Variants in TRNP1 observed in about 807,000 individuals in gnomAD.
TRNP1 encodes TMF1 regulated nuclear protein 1.
In TRNP1, 16 loss-of-function variants were observed where a neutral mutation model predicts 12.2. The ratio of observed to expected loss-of-function variants is 1.31; its 90% CI spans 0.89 to 1.99. The LOEUF (loss-of-function observed/expected upper bound fraction) is 1.99. Among genes scored for constraint, TRNP1 ranks in the 30% most tolerant of loss-of-function variants. The probability of loss-of-function intolerance (pLI) is 0.00; values close to 1 mark genes in which losing one functional copy is unlikely to be tolerated. For missense variants in TRNP1, 338 were observed against 330.4 expected (o/e 1.02, Z -0.18); for synonymous variants, 139 against 166.2 (o/e 0.84, Z 1.26).
rs571374604 is a variant in TRNP1 at position 26,994,197 on chromosome 1, C to G, written c.411C>G (p.Ala137=). 3 of 1,291,866 alleles carry G rather than the reference C, an allele frequency of 2.3e-6. No homozygotes were observed. The highest frequency in any genetic ancestry group is 2.1e-5 in the South Asian group (1 of 48,106). 80.0% of individuals were successfully genotyped at this position (1,291,866 alleles called of 1,614,324 possible). Residue 137 remains alanine, a synonymous_variant, in exon 1 of 2, where the codon GCC becomes GCG. Transcript: ENST00000522111. The surrounding 1 kb of genome is among the most constrained non-coding windows in gnomAD (Gnocchi z 6.9). ...VLQLHRVFLA[A]ELRLAHRAES... ...AGCTGCACCGCGTTTTCTTGGCGGC[C>G]GAGCTGCGCCTGGCGCACCGCGCGG...
chr1:26,998,242 G>A (rs576271644), intron 1 of TRNP1, among the ~76,000 whole-genome samples: 24 of 152,244 alleles, frequency 1.6e-4, no homozygotes, highest in African/African-American at 5.8e-4. Flanking sequence ...GGGGAGCAAA[G>A]GAAGCTCCTT....
Position 27,000,448 on chromosome 1 carries a change from C to T in TRNP1, c.*744C>T, listed in dbSNP as rs1419387896. On this transcript the variant is annotated 3_prime_UTR_variant, in exon 2 of 2. Coordinates refer to ENST00000522111, the MANE Select transcript of TRNP1 (RefSeq NM_001013642.3). ...GTTGGGGTGGGGGACACACCTTTTT[C>T]TCAGGAAGAGGTGATGGCAATGTAA... The T allele has an allele frequency of 2.6e-5, 4 of 152,486 alleles. No homozygotes were observed. Among genetic ancestry groups the T allele is most frequent in the African/African-American group, 9.7e-5 (4 of 41,402 alleles). 9.4% of individuals were successfully genotyped at this position (152,486 alleles called of 1,614,324 possible). A position where few individuals can be genotyped will look rare whatever the true frequency, so the allele number is the denominator to read the frequency against.
In TRNP1 at chr1:26,994,146, G is replaced by A; in HGVS notation, c.360G>A (p.Val120=). ...AGGTGGAGGGCCGCCGGCGCCTGGTGTCGGAGCTGGAGAGCCGCGTGCTGC... is the reference window on the plus strand; with the variant it reads ...AGGTGGAGGGCCGCCGGCGCCTGGTATCGGAGCTGGAGAGCCGCGTGCTGC... ...LLEVEGRRRL[V]SELESRVLQL... The change falls in exon 1 of 2, where the codon GTG becomes GTA. Residue 120 remains valine, a synonymous_variant. Coordinates refer to ENST00000522111, the MANE Select transcript of TRNP1 (RefSeq NM_001013642.3). This position sits in a 1 kb window ranked among gnomAD's most constrained non-coding sequence, Gnocchi z 6.9. 4 of 1,259,844 alleles carry A rather than the reference G, an allele frequency of 3.2e-6. No homozygotes were observed. The highest frequency in any genetic ancestry group is 4.0e-6 in the Non-Finnish European group (4 of 999,346). The allele number at this position is 1,259,844 out of a possible 1,614,324, so 78.0% of individuals were successfully genotyped here.
Position 26,993,773 on chromosome 1 carries a change from G to A in TRNP1, c.-14G>A, listed in dbSNP as rs1174180042. The stretch of plus-strand genomic sequence containing the variant: ...GCGCACCTACAGCCGCAGACCGCCG[G>A]TGGGGGGCGGGGGATGCCGGGCTGC... On this transcript the variant is annotated 5_prime_UTR_variant, in exon 1 of 2. In the 5' UTR this introduces an upstream ATG that the reference lacks. Coordinates refer to ENST00000522111, the MANE Select transcript of TRNP1 (RefSeq NM_001013642.3). The A allele has an allele frequency of 7.6e-7, 1 of 1,309,946 alleles. No homozygotes were observed. The highest frequency in any genetic ancestry group is 9.7e-7 in the Non-Finnish European group (1 of 1,030,908). The allele number at this position is 1,309,946 out of a possible 1,614,324, so 81.1% of individuals were successfully genotyped here. A position where few individuals can be genotyped will look rare whatever the true frequency, so the allele number is the denominator to read the frequency against.
Position 26,993,710 on chromosome 1 carries a change from G to T in TRNP1, c.-77G>T, listed in dbSNP as rs1461208022. 2 of 1,236,838 alleles carry T rather than the reference G, an allele frequency of 1.6e-6. No individual in the cohort carries two copies. Among genetic ancestry groups the T allele is most frequent in the African/African-American group, 1.6e-5 (1 of 63,048 alleles). 76.6% of individuals were successfully genotyped at this position (1,236,838 alleles called of 1,614,324 possible). ...CGCCTCTGGGGTGGGGGCTGTGGCC[G>T]TGTCTAGCTGTTCGGGTGTGCTGTG... On this transcript the variant is annotated 5_prime_UTR_variant, in exon 1 of 2. Coordinates refer to ENST00000522111, the MANE Select transcript of TRNP1 (RefSeq NM_001013642.3).
Position 26,993,698 on chromosome 1 carries a change from G to A in TRNP1, c.-89G>A, listed in dbSNP as rs888926906. On this transcript the variant is annotated 5_prime_UTR_variant, in exon 1 of 2. Coordinates refer to ENST00000522111, the MANE Select transcript of TRNP1 (RefSeq NM_001013642.3). Reference sequence around the variant, plus strand: ...GGACGGCGGGCGCGCCTCTGGGGTGGGGGCTGTGGCCGTGTCTAGCTGTTC... The same window carrying A: ...GGACGGCGGGCGCGCCTCTGGGGTGAGGGCTGTGGCCGTGTCTAGCTGTTC... 4.0e-6 allele frequency: 5 copies of A among 1,235,306 alleles called. No homozygotes were observed. Among genetic ancestry groups the A allele is most frequent in the East Asian group, 3.2e-5 (1 of 31,486 alleles). The allele number at this position is 1,235,306 out of a possible 1,614,324, so 76.5% of individuals were successfully genotyped here. A position where few individuals can be genotyped will look rare whatever the true frequency, so the allele number is the denominator to read the frequency against.
rs1344694976 is a variant in TRNP1 at position 27,000,661 on chromosome 1, T to A, written c.*957T>A. On this transcript the variant is annotated 3_prime_UTR_variant, in exon 2 of 2. Coordinates refer to ENST00000522111, the MANE Select transcript of TRNP1 (RefSeq NM_001013642.3). ...ATTTCCATAATGTAAGGCAAATGCA[T>A]GGGGTTCTGAGGTTCACTTTGCAAG... The A allele has an allele frequency of 6.6e-6, 1 of 152,540 alleles. No homozygotes were observed. The highest frequency in any genetic ancestry group is 2.4e-5 in the African/African-American group (1 of 41,442). The allele number at this position is 152,540 out of a possible 1,614,324, so 9.4% of individuals were successfully genotyped here. A position where few individuals can be genotyped will look rare whatever the true frequency, so the allele number is the denominator to read the frequency against.
chr1:26,995,822 G>T (rs1019952141), intron 1 of TRNP1, among the ~76,000 whole-genome samples: 3 of 152,178 alleles, frequency 2.0e-5, no homozygotes, highest in African/African-American at 4.8e-5. Flanking sequence ...TAGAGACCGG[G>T]TTTCTCCATG....
At chr1:26,998,074 G>A (rs1486478407) in intron 1 of TRNP1, among the ~76,000 whole-genome samples, 1 of 152,094 alleles carries the variant, frequency 6.6e-6, no homozygotes, top group Admixed American at 6.6e-5. Flanking sequence ...CTCCCTAGGG[G>A]CGGGAACCCT....
In TRNP1 at chr1:26,995,786, A is replaced by G. The variant is rs115443312; in HGVS notation, c.*142+1174A>G. Among the ~76,000 whole-genome samples the G allele has an allele frequency of 3.8e-3, 586 of 152,278 alleles. 1 individual carries two copies. The highest frequency in any genetic ancestry group is 6.5e-3 in the Non-Finnish European group (442 of 68,028). Reference sequence around the variant, plus strand: ...GCTGGGATTACAGGCATGTGCCACTATGCCCATCTCATTTTGTATTTTTGG... The same window carrying G: ...GCTGGGATTACAGGCATGTGCCACTGTGCCCATCTCATTTTGTATTTTTGG... On this transcript the variant is annotated intron_variant, in intron 1 of 1. Transcript: ENST00000522111.
chr1:27,000,146 T>A lies in TRNP1; in HGVS notation c.*442T>A, dbSNP rs1209910317. 1 of 152,208 alleles carries A rather than the reference T, an allele frequency of 6.6e-6. No individual in the cohort carries two copies. The highest frequency in any genetic ancestry group is 1.5e-5 in the Non-Finnish European group (1 of 68,042). The allele number at this position is 152,208 out of a possible 1,614,324, so 9.4% of individuals were successfully genotyped here. A position where few individuals can be genotyped will look rare whatever the true frequency, so the allele number is the denominator to read the frequency against. ...GTAGCAAGCATTGCCAATGGGAAAG[T>A]CAAAATAATTTATTTTTTTTCCCTT... On this transcript the variant is annotated 3_prime_UTR_variant, in exon 2 of 2. Transcript: ENST00000522111.
chr1:26,994,089 G>A lies in TRNP1; in HGVS notation c.303G>A (p.Leu101=), dbSNP rs2082532346. The A allele has an allele frequency of 1.6e-6, 2 of 1,216,742 alleles. No individual in the cohort carries two copies. Among genetic ancestry groups the A allele is most frequent in the Non-Finnish European group, 2.0e-6 (2 of 979,858 alleles). The allele number at this position is 1,216,742 out of a possible 1,614,324, so 75.4% of individuals were successfully genotyped here. A position where few individuals can be genotyped will look rare whatever the true frequency, so the allele number is the denominator to read the frequency against. ...CTGCGGGGGCGGGGGGCCGCGCGCT[G>A]GAGCTGGCCGAAGCACGGCGGCGGC... ...GAAAGAGGRA[L]ELAEARRRLL... Residue 101 remains leucine, a synonymous_variant, in exon 1 of 2, where the codon CTG becomes CTA. Transcript: ENST00000522111. This position sits in a 1 kb window ranked among gnomAD's most constrained non-coding sequence, Gnocchi z 6.9.
intron 1 of TRNP1, among the ~76,000 whole-genome samples, chr1:26,995,327 C>A (rs1330479373): frequency 2.6e-5 from 4 of 152,198 alleles, no homozygotes; most frequent in Non-Finnish European, 5.9e-5. Flanking sequence ...CCAGGTGATA[C>A]CCTTTAACAG....
intron 1 of TRNP1, among the ~76,000 whole-genome samples, chr1:26,995,949 TCA>T (rs2082543438): frequency 6.6e-6 from 1 of 152,180 alleles, no homozygotes; most frequent in Non-Finnish European, 1.5e-5. Context: ...TTATTTTAAC[TCA>T]CACCTGGAAA....
At position 26,993,779 on chromosome 1, in the gene TRNP1, G is replaced by C; in HGVS notation, c.-8G>C. The C allele has an allele frequency of 5.3e-6, 7 of 1,314,388 alleles. No individual in the cohort carries two copies. Among genetic ancestry groups the C allele is most frequent in the Non-Finnish European group, 6.8e-6 (7 of 1,033,576 alleles). The allele number at this position is 1,314,388 out of a possible 1,614,324, so 81.4% of individuals were successfully genotyped here. ...CTACAGCCGCAGACCGCCGGTGGGG[G>C]GCGGGGGATGCCGGGCTGCCGCATC... On this transcript the variant is annotated 5_prime_UTR_variant, in exon 1 of 2. Transcript: ENST00000522111.
At chr1:26,997,318 GAAAAA>G (rs3028529) in intron 1 of TRNP1, among the ~76,000 whole-genome samples, 1 of 81,842 alleles carries the variant, frequency 1.2e-5, no homozygotes, top group Admixed American at 1.4e-4. Flanking sequence ...TGTGTCTCAA[GAAAAA>G]AAAAAAAAAA....
rs146158445 is a variant in TRNP1, at chr1:26,994,239, G to T, written c.453G>T (p.Leu151=). 0.075 allele frequency: 92,709 copies of T among 1,235,616 alleles called. 3,880 individuals carry two copies. The highest frequency in any genetic ancestry group is 0.084 in the Non-Finnish European group (82,742 of 987,258). The allele number at this position is 1,235,616 out of a possible 1,614,324, so 76.5% of individuals were successfully genotyped here. The part of the protein sequence containing the change: ...LAHRAESLSR[L]SGGVAQAELY... ...ACCGCGCGGAGAGCCTGAGCCGCCT[G>T]AGCGGCGGCGTGGCGCAGGCCGAGC... Residue 151 remains leucine (L), a synonymous_variant, in exon 1 of 2, where the codon CTG becomes CTT. Transcript: ENST00000522111. This position sits in a 1 kb window ranked among gnomAD's most constrained non-coding sequence, Gnocchi z 6.9.
At position 26,994,659 on chromosome 1, in the gene TRNP1, G is replaced by A. The variant is rs1239811004; in HGVS notation, c.*142+47G>A. The A allele has an allele frequency of 3.4e-6, 1 of 289,998 alleles. No homozygotes were observed. Among genetic ancestry groups the A allele is most frequent in the African/African-American group, 2.3e-5 (1 of 44,132 alleles). 18.0% of individuals were successfully genotyped at this position (289,998 alleles called of 1,614,324 possible). The stretch of plus-strand genomic sequence containing the variant: ...CGTTCGAGGGTCGGTCATGGCGTGT[G>A]GGGGGCTGGTCCAGGGCCCGGGAAC... On this transcript the variant is annotated intron_variant, in intron 1 of 1. Coordinates refer to ENST00000522111, the MANE Select transcript of TRNP1 (RefSeq NM_001013642.3). The surrounding 1 kb of genome is among the most constrained non-coding windows in gnomAD (Gnocchi z 6.9).
Position 26,994,058 on chromosome 1 carries a change from G to C in TRNP1, c.272G>C (p.Gly91Ala). 8.2e-7 allele frequency: 1 copy of C among 1,223,910 alleles called. No homozygotes were observed. Among genetic ancestry groups the C allele is most frequent in the Non-Finnish European group, 1.0e-6 (1 of 983,832 alleles). The allele number at this position is 1,223,910 out of a possible 1,614,324, so 75.8% of individuals were successfully genotyped here. ...AGLAGPGGGS[G>A]AAAGAGGRAL... ...CTCGCCGGCCCCGGAGGGGGCTCTG[G>C]CGCGGCTGCGGGGGCGGGGGGCCGC... Residue 91 changes from glycine (G) to alanine (A), a missense_variant, in exon 1 of 2, where the codon GGC becomes GCC. Physicochemically the swap from Gly to Ala is moderately conservative, Grantham distance 60. Coordinates refer to ENST00000522111, the MANE Select transcript of TRNP1 (RefSeq NM_001013642.3). The surrounding 1 kb of genome is among the most constrained non-coding windows in gnomAD (Gnocchi z 6.9).
Sources: gnomAD v4.1 joint callset for allele counts (sites outside exome capture counted in the v4.1 genomes callset) on GRCh38, gnomAD v4.1.1 for gene constraint, Gnocchi (gnomAD v3.1) non-coding constraint, MANE v1.5 for transcripts, NCBI Gene and HGNC (gene_info 2026-07-23, HGNC 2026-07-21) for gene names.